Variants in TERT observed in about 807,000 individuals in gnomAD.
TERT encodes the protein telomerase reverse transcriptase.
Under a neutral mutation model 104.0 loss-of-function variants are expected in TERT, and 42 were observed. The observed-to-expected ratio is 0.40, with a 90% CI of 0.32 to 0.52. The LOEUF (loss-of-function observed/expected upper bound fraction) is 0.52. Ranked by LOEUF, TERT falls within the 20% of genes least tolerant of loss-of-function variation. The pLI, the probability that TERT is intolerant of heterozygous loss-of-function variation, is 0.43. For missense variants in TERT, 1,101 were observed against 1,610.3 expected (o/e 0.68, Z 5.41); for synonymous variants, 781 against 725.6 (o/e 1.08, Z -1.23).
At chr5:1,264,320 C>G in intron 11 of TERT, 84 bp downstream of exon 11, 1 of 1,440,494 alleles carries the variant, frequency 6.9e-7, no homozygotes, top group South Asian at 1.2e-5. Flanking sequence ...CTGCCCCACA[C>G]GGAAGCAGAG....
Position 1,293,224 on chromosome 5 carries a change from G to A in TERT, c.1573+89C>T, listed in dbSNP as rs35127005. ...TGTGCCCACGTGACGATGGAGACAG[G>A]AGGACCAGGGCTCTGCCTGCCCCCT... On this transcript the variant is annotated intron_variant, in intron 2 of 15. Coordinates refer to ENST00000310581, the MANE Select transcript of TERT (RefSeq NM_198253.3). 1.6e-3 allele frequency: 2,418 copies of A among 1,532,242 alleles called. 5 individuals are homozygous for A. The highest frequency in any genetic ancestry group is 2.3e-3 in the African/African-American group (170 of 73,442). 94.9% of individuals were successfully genotyped at this position (1,532,242 alleles called of 1,614,324 possible). A position where few individuals can be genotyped will look rare whatever the true frequency, so the allele number is the denominator to read the frequency against.
At chr5:1,260,320 A>G (rs1748132353) in intron 12 of TERT, among the ~76,000 whole-genome samples, 154 bp downstream of exon 12, 1 of 152,236 alleles carries the variant, frequency 6.6e-6, no homozygotes, top group African/African-American at 2.4e-5. Context: ...ACACATGCAC[A>G]CATGTATGTG....
At chr5:1,285,134 G>A (rs1427477305) in intron 2 of TERT, among the ~76,000 whole-genome samples, 12 of 85,906 alleles carry the variant, frequency 1.4e-4, no homozygotes, top group East Asian at 4.0e-4. Flanking sequence ...ACCTCACCCC[G>A]GACCTGCATC....
At chr5:1,267,222 G>A (rs187799665) in intron 9 of TERT, among the ~76,000 whole-genome samples, 172 of 152,382 alleles carry the variant, frequency 1.1e-3, no homozygotes, top group African/African-American at 4.0e-3. Flanking sequence ...TTCAAAAGAT[G>A]CACAGGAAAA....
At chr5:1,272,573 CCA>C (rs10700999) in intron 6 of TERT, among the ~76,000 whole-genome samples, 1 of 13,390 alleles carries the variant, frequency 7.5e-5, no homozygotes, top group Non-Finnish European at 1.8e-4. Context: ...TCCACAGTCA[CCA>C]CATCAGACCC....
At chr5:1,276,769 G>A (rs1001667658) in intron 6 of TERT, among the ~76,000 whole-genome samples, 4 of 152,218 alleles carry the variant, frequency 2.6e-5, no homozygotes, top group African/African-American at 4.8e-5. Context: ...CAGAAGCAAC[G>A]TCACCACAAC....
chr5:1,276,957 T>G (rs1353164146), intron 6 of TERT, among the ~76,000 whole-genome samples: 1 of 152,206 alleles, frequency 6.6e-6, no homozygotes, highest in African/African-American at 2.4e-5. Flanking sequence ...AGATTCACAG[T>G]GCACGCATGT....
At chr5:1,260,348 A>AC in intron 12 of TERT, 126 bp downstream of exon 12, 1 of 1,458,112 alleles carries the variant, frequency 6.9e-7, no homozygotes, top group Non-Finnish European at 9.5e-7. Flanking sequence ...GTATATGCGT[A>AC]CATGTGCACT....
rs1162111201 is a variant in TERT at position 1,287,813 on chromosome 5, G to A, written c.1574-5189C>T. Among the ~76,000 whole-genome samples the A allele has an allele frequency of 6.6e-6, 1 of 151,914 alleles. No individual in the cohort carries two copies. The highest frequency in any genetic ancestry group is 2.4e-5 in the African/African-American group (1 of 41,334). ...GCATCTAGAAGGAGACAGAAGCTTT[G>A]CACTGGACCTTAATAAGCTGGATAT... On this transcript the variant is annotated intron_variant, in intron 2 of 15. Coordinates refer to ENST00000310581, the MANE Select transcript of TERT (RefSeq NM_198253.3). The surrounding 1 kb of genome is among the most constrained non-coding windows in gnomAD (Gnocchi z 4.3).
intron 2 of TERT, among the ~76,000 whole-genome samples, chr5:1,290,740 C>A (rs376976223): frequency 2.6e-4 from 18 of 68,784 alleles, no homozygotes; most frequent in Non-Finnish European, 4.1e-4. Flanking sequence ...ACTCACCCTG[C>A]ACGTGACAGG....
Position 1,294,861 on chromosome 5 carries a change from G to A in TERT, c.129C>T (p.Asp43=), listed in dbSNP as rs772537721. The A allele has an allele frequency of 5.6e-5, 81 of 1,456,742 alleles. No individual in the cohort carries two copies. The highest frequency in any genetic ancestry group is 3.0e-5 in the Non-Finnish European group (33 of 1,112,988). 90.2% of individuals were successfully genotyped at this position (1,456,742 alleles called of 1,614,324 possible). ...PQGWRLVQRG[D]PAAFRALVAQ... ...CCACCAGCGCGCGGAAAGCCGCCGG[G>A]TCCCCGCGCTGCACCAGCCGCCAGC... The change falls in exon 1 of 16, where the codon GAC becomes GAT. Residue 43 remains aspartate, a synonymous_variant. Transcript: ENST00000310581.
rs746044451 is a variant in TERT, at chr5:1,264,605, G to A, written c.2655-13C>T. ...TCGGACCAGGGTCCTAAGGCAGAGG[G>A]GCAATGTCAGCCCCAGGATGCGGGG... is the stretch of plus-strand genomic sequence containing the variant. On this transcript the variant is annotated splice_polypyrimidine_tract_variant and intron_variant, in intron 10 of 15. Coordinates refer to ENST00000310581, the MANE Select transcript of TERT (RefSeq NM_198253.3). The A allele has an allele frequency of 1.7e-5, 27 of 1,613,552 alleles. 1 individual carries two copies. The highest frequency in any genetic ancestry group is 2.2e-5 in the East Asian group (1 of 44,880).
intron 2 of TERT, among the ~76,000 whole-genome samples, chr5:1,285,937 T>A (rs1750453607): frequency 6.6e-6 from 1 of 151,832 alleles, no homozygotes; most frequent in Non-Finnish European, 1.5e-5. Flanking sequence ...CGGAGCCTCA[T>A]CCTTTGTCCT....
Position 1,253,247 on chromosome 5 carries a change from C to A in TERT, c.*481G>T. ...CCCCCAATTTGACCCACAGGGACCC[C>A]CATCCAGGTGCAGGGTCCTCGCCTG... On this transcript the variant is annotated 3_prime_UTR_variant, in exon 16 of 16. Coordinates refer to ENST00000310581, the MANE Select transcript of TERT (RefSeq NM_198253.3). The A allele has an allele frequency of 3.8e-6, 1 of 260,400 alleles. No individual in the cohort carries two copies. Among genetic ancestry groups the A allele is most frequent in the Non-Finnish European group, 7.4e-6 (1 of 134,846 alleles). The allele number at this position is 260,400 out of a possible 1,614,324, so 16.1% of individuals were successfully genotyped here. A position where few individuals can be genotyped will look rare whatever the true frequency, so the allele number is the denominator to read the frequency against.
At position 1,265,535 on chromosome 5, in the gene TERT, G is replaced by A. The variant is rs933888535; in HGVS notation, c.2654+929C>T. Among the ~76,000 whole-genome samples, 1 of 151,922 alleles carries A rather than the reference G, an allele frequency of 6.6e-6. No individual in the cohort carries two copies. The highest frequency in any genetic ancestry group is 6.6e-5 in the Admixed American group (1 of 15,252). ...AGGACTCCTGAGCCCTCAGTTGCTT[G>A]GGACCTGGGCTCCCCCCGAGTGAAT... On this transcript the variant is annotated intron_variant, in intron 10 of 15. Coordinates refer to ENST00000310581, the MANE Select transcript of TERT (RefSeq NM_198253.3). The surrounding 1 kb of genome is among the most constrained non-coding windows in gnomAD (Gnocchi z 6.9).
In TERT at chr5:1,279,434, T is replaced by G. The variant is rs1749860434; in HGVS notation, c.1987A>C (p.Ser663Arg). 1 of 1,550,840 alleles carries G rather than the reference T, an allele frequency of 6.4e-7. No individual in the cohort carries two copies. The highest frequency in any genetic ancestry group is 8.7e-7 in the Non-Finnish European group (1 of 1,148,256). Residue 663 changes from serine to arginine, a missense_variant, in exon 5 of 16, where the codon AGC (serine) becomes CGC (arginine). Physicochemically the swap from Ser to Arg is moderately radical, Grantham distance 110. Transcript: ENST00000310581. Reference sequence around the variant, plus strand: ...CGCGCCCGCTCGTAGTTGAGCACGCTGAACAGTGCCTTCACCCTCGAGGTG... The same window carrying G: ...CGCGCCCGCTCGTAGTTGAGCACGCGGAACAGTGCCTTCACCCTCGAGGTG... ...RLTSRVKALFSVLNYERARRP... is the reference protein window; with the variant it reads ...RLTSRVKALFRVLNYERARRP...
chr5:1,290,243 C>G, intron 2 of TERT, among the ~76,000 whole-genome samples: 1 of 67,846 alleles, frequency 1.5e-5, no homozygotes, highest in Admixed American at 1.4e-4. Flanking sequence ...CTACACGTGA[C>G]AGGGACACCC....
At position 1,256,523 on chromosome 5, in the gene TERT, C is replaced by G. The variant is rs1319879580; in HGVS notation, c.3033-1112G>C. 1.3e-5 allele frequency among the ~76,000 whole-genome samples: 2 copies of G among 150,194 alleles called. No homozygotes were observed. Among genetic ancestry groups the G allele is most frequent in the African/African-American group, 4.9e-5 (2 of 40,560 alleles). On this transcript the variant is annotated intron_variant, in intron 13 of 15. Transcript: ENST00000310581. The surrounding 1 kb of genome is among the most constrained non-coding windows in gnomAD (Gnocchi z 7.0). ...CCCCCCATGTACCTGGCCTCACCCA[C>G]TGCCTGAGCCCCCCGTGTACCTCAT...
chr5:1,282,492 T>C lies in TERT; in HGVS notation c.1706A>G (p.Gln569Arg). 6.2e-7 allele frequency: 1 copy of C among 1,614,174 alleles called. No homozygotes were observed. The highest frequency in any genetic ancestry group is 8.5e-7 in the Non-Finnish European group (1 of 1,180,048). Residue 569 changes from glutamine to arginine, a missense_variant, in exon 3 of 16, where the codon CAA (glutamine) becomes CGA (arginine). Gln to Arg is a conservative substitution (Grantham distance 43). Around this residue, in one of 5 missense-constraint regions of TERT, gnomAD observed 463 missense variants for 797.5 expected, o/e 0.58. Coordinates refer to ENST00000310581, the MANE Select transcript of TERT (RefSeq NM_198253.3). Reference sequence around the variant, plus strand: ...CCGGTAGAAAAAGAGCCTGTTCTTTTGAAACGTGGTCTCCGTGACATAAAA... The same window carrying C: ...CCGGTAGAAAAAGAGCCTGTTCTTTCGAAACGTGGTCTCCGTGACATAAAA... ...SFFYVTETTF[Q>R]KNRLFFYRKS...
Sources: gnomAD v4.1 joint callset for allele counts (sites outside exome capture counted in the v4.1 genomes callset) on GRCh38, gnomAD v4.1.1 for gene constraint, gnomAD v4.1.1 regional missense constraint, Gnocchi (gnomAD v3.1) non-coding constraint, MANE v1.5 for transcripts, NCBI Gene and HGNC (gene_info 2026-07-23, HGNC 2026-07-21) for gene names.